VWA2: variants seen among roughly 807,000 people sequenced by gnomAD.
The protein encoded by VWA2 is von Willebrand factor A domain containing 2, also known as von Willebrand factor A domain-containing protein 2.
Under a neutral mutation model 70.4 loss-of-function variants are expected in VWA2, and 73 were observed. The observed-to-expected ratio is 1.04, with a 90% CI of 0.86 to 1.26. The LOEUF is 1.26. VWA2 is among the 50% of genes most tolerant of loss of function. VWA2 has a pLI of 0.00. For synonymous variants in VWA2, 407 were observed against 423.3 expected (o/e 0.96, Z 0.47); for missense variants, 1,011 against 998.5 (o/e 1.01, Z -0.17).
At chr10:114,279,057 T>C (rs988626363) in intron 8 of VWA2, among the ~76,000 whole-genome samples, 1 of 152,040 alleles carries the variant, frequency 6.6e-6, no homozygotes, top group Non-Finnish European at 1.5e-5. Context: ...ACAGCCCAGG[T>C]ACCCAGGGTG....
At chr10:114,258,699 C>T (rs2037381539) in intron 4 of VWA2, among the ~76,000 whole-genome samples, 1 of 152,206 alleles carries the variant, frequency 6.6e-6, no homozygotes, top group African/African-American at 2.4e-5. Flanking sequence ...TGAAAAGTCT[C>T]CCTTTCACCC....
intron 9 of VWA2, 122 bp downstream of exon 9, chr10:114,282,693 A>AT: frequency 1.3e-6 from 1 of 798,536 alleles, no homozygotes; most frequent in Non-Finnish European, 2.2e-6. Context: ...GGGCAGAGGG[A>AT]TGGGGCACTT....
intron 13 of VWA2, among the ~76,000 whole-genome samples, chr10:114,290,802 T>C (rs2039515503): frequency 6.6e-6 from 1 of 152,052 alleles, no homozygotes; most frequent in African/African-American, 2.4e-5. Flanking sequence ...TGGGGTGCTA[T>C]TTGCTCAGTA....
At chr10:114,268,679 G>A (rs1196180340) in intron 5 of VWA2, among the ~76,000 whole-genome samples, 1 of 148,692 alleles carries the variant, frequency 6.7e-6, no homozygotes, top group Non-Finnish European at 1.5e-5. Context: ...GTAAGCGGAG[G>A]GATTTCTTTT....
chr10:114,260,886 A>T (rs72823070), intron 4 of VWA2, among the ~76,000 whole-genome samples: 496 of 152,314 alleles, frequency 3.3e-3, no homozygotes, highest in Non-Finnish European at 5.6e-3. Flanking sequence ...CCCAGCCCTA[A>T]AGATGCACAA....
intron 1 of VWA2, among the ~76,000 whole-genome samples, chr10:114,242,731 C>G (rs1166573972): frequency 6.6e-6 from 1 of 152,188 alleles, no homozygotes; most frequent in Non-Finnish European, 1.5e-5. Flanking sequence ...TCTCCAAGAT[C>G]ATTTCTTCAT....
intron 5 of VWA2, among the ~76,000 whole-genome samples, chr10:114,269,076 C>G (rs1043827866): frequency 6.6e-6 from 1 of 152,152 alleles, no homozygotes; most frequent in Non-Finnish European, 1.5e-5. Context: ...TTACCTTGGT[C>G]GCAAGCCAGC....
intron 1 of VWA2, among the ~76,000 whole-genome samples, chr10:114,244,512 C>T (rs1322777658): frequency 6.6e-6 from 1 of 152,198 alleles, no homozygotes; most frequent in Non-Finnish European, 1.5e-5. Flanking sequence ...CCCTCCCTGG[C>T]TGGCTGCGAG....
At chr10:114,287,738 A>C (rs186721976) in intron 11 of VWA2, among the ~76,000 whole-genome samples, 1 of 152,210 alleles carries the variant, frequency 6.6e-6, no homozygotes, top group South Asian at 2.1e-4. Context: ...ATAATTGACA[A>C]TAGTGGAGAG....
intron 5 of VWA2, among the ~76,000 whole-genome samples, chr10:114,263,966 T>C (rs1411083903): frequency 1.3e-5 from 2 of 152,218 alleles, no homozygotes; most frequent in Non-Finnish European, 2.9e-5. Context: ...TGAGCTACCA[T>C]GTCATAGCCA....
chr10:114,288,984 T>C lies in VWA2; in HGVS notation c.1617T>C (p.Ser539=). ...ALDLVFMLDT[S]ASVGPENFAQ... ...ACCTCGTCTTCATGTTGGACACCTC[T>C]GCCTCAGTAGGGCCCGAGAATTTTG... Residue 539 remains serine (S), a synonymous_variant, in exon 12 of 14, where the codon TCT becomes TCC. Transcript: ENST00000392982. 6.2e-7 allele frequency: 1 copy of C among 1,614,114 alleles called. No individual in the cohort carries two copies. The highest frequency in any genetic ancestry group is 8.5e-7 in the Non-Finnish European group (1 of 1,179,992).
At chr10:114,240,351 C>G (rs1239419741) in intron 1 of VWA2, among the ~76,000 whole-genome samples, 1 of 152,182 alleles carries the variant, frequency 6.6e-6, no homozygotes, top group African/African-American at 2.4e-5. Flanking sequence ...CAGAATTGAA[C>G]CTTGAAAACT....
intron 11 of VWA2, among the ~76,000 whole-genome samples, chr10:114,287,351 T>G (rs1215523825): frequency 6.6e-6 from 1 of 152,074 alleles, no homozygotes; most frequent in Non-Finnish European, 1.5e-5. Context: ...CAGCTAATTG[T>G]TTTATTTTTT....
At position 114,246,505 on chromosome 10, in the gene VWA2, C is replaced by CAAAAAA. The variant is rs570510812; in HGVS notation, c.-10-2184_-10-2179dup. The CAAAAAA allele has an allele frequency of 6.9e-4, 264 of 384,832 alleles. 3 individuals are homozygous for CAAAAAA. Among genetic ancestry groups the CAAAAAA allele is most frequent in the African/African-American group, 6.3e-3 (137 of 21,618 alleles). 23.8% of individuals were successfully genotyped at this position (384,832 alleles called of 1,614,324 possible). ...AACAAGAGTGAAAGAAACTCCATCT[C>CAAAAAA]AAAAAAAAAAAAAAAAAAAACGAGT... On this transcript the variant is annotated intron_variant, in intron 1 of 13. Transcript: ENST00000392982.
At chr10:114,273,307 G>C (rs1441137023) in intron 6 of VWA2, among the ~76,000 whole-genome samples, 1 of 152,144 alleles carries the variant, frequency 6.6e-6, no homozygotes, top group African/African-American at 2.4e-5. Flanking sequence ...GCTGTTCTCT[G>C]CCTGTTGCCT....
At chr10:114,282,332 T>C (rs1420808191) in intron 8 of VWA2, among the ~76,000 whole-genome samples, 184 bp from the exon 9 acceptor site, 1 of 152,176 alleles carries the variant, frequency 6.6e-6, no homozygotes, top group Non-Finnish European at 1.5e-5. Flanking sequence ...CTGGATAGTT[T>C]GAAACATTCC....
chr10:114,282,466 C>A, intron 8 of VWA2, 50 bp from the exon 9 acceptor site: 2 of 1,456,464 alleles, frequency 1.4e-6, no homozygotes, highest in South Asian at 1.1e-5. Flanking sequence ...GTTTTCTGCC[C>A]TCCCCTTACA....
At position 114,265,693 on chromosome 10, in the gene VWA2, CAT is replaced by C. The variant is rs376522582; in HGVS notation, c.371+4401_371+4402del. Among the ~76,000 whole-genome samples the C allele has an allele frequency of 3.5e-3, 540 of 152,220 alleles. 6 individuals are homozygous for C. The highest frequency in any genetic ancestry group is 0.013 in the African/African-American group (519 of 41,510). The stretch of plus-strand genomic sequence containing the variant: ...AAGGGCTTGAGAGCATTATTTATGA[CAT>C]ATGAAATGGAGAGACACACTAAGAT... On this transcript the variant is annotated intron_variant, in intron 5 of 13. Coordinates refer to ENST00000392982, the MANE Select transcript of VWA2 (RefSeq NM_001272046.2).
At chr10:114,290,851 G>A (rs536131002) in intron 13 of VWA2, among the ~76,000 whole-genome samples, 47 of 152,188 alleles carry the variant, frequency 3.1e-4, no homozygotes, top group Non-Finnish European at 6.2e-4. Flanking sequence ...AGGAGGAGGT[G>A]CTAGAGGTTT....
Sources: allele counts gnomAD v4.1 joint callset (sites outside exome capture counted in the v4.1 genomes callset), GRCh38; gene constraint gnomAD v4.1.1; transcripts MANE v1.5; gene names NCBI Gene and HGNC (gene_info 2026-07-23, HGNC 2026-07-21).